MYO3B: variants seen among roughly 807,000 people sequenced by gnomAD.
MYO3B encodes myosin IIIB.
A neutral mutation model predicts 174.6 loss-of-function variants in MYO3B; 156 were observed. The ratio of observed to expected loss-of-function variants is 0.89; its 90% confidence interval spans 0.78 to 1.02. MYO3B has a LOEUF of 1.02. Among genes scored for constraint, MYO3B ranks in the 50% least tolerant of loss-of-function variants. MYO3B has a pLI of 0.00. For synonymous variants in MYO3B, 563 were observed against 569.1 expected, an observed-to-expected ratio of 0.99 and a Z score of 0.15; for missense variants, 1,632 against 1,639.4, an observed-to-expected ratio of 1.00 and a Z score of 0.08.
intron 21 of MYO3B, among the ~76,000 whole-genome samples, chr2:170,407,383 C>T (rs1027296900): frequency 1.7e-4 from 26 of 152,118 alleles, no homozygotes; most frequent in Non-Finnish European, 3.4e-4. Flanking sequence ...ATCACTTGAA[C>T]CCGGGAGGCG....
intron 28 of MYO3B, 48 bp downstream of exon 28, chr2:170,501,913 A>G: frequency 7.8e-7 from 1 of 1,280,566 alleles, no homozygotes. Flanking sequence ...ATATTCTGTG[A>G]CTAACTTCTG....
At chr2:170,640,848 A>C (rs1458737730) in intron 32 of MYO3B, 1 of 152,160 alleles carries the variant, frequency 6.6e-6, no homozygotes, top group African/African-American at 2.4e-5. Flanking sequence ...CTGGTTTTCC[A>C]TTTACAGTGG....
intron 23 of MYO3B, among the ~76,000 whole-genome samples, chr2:170,446,116 G>A (rs1042403784): frequency 7.9e-5 from 12 of 152,312 alleles, no homozygotes; most frequent in East Asian, 3.9e-4. Flanking sequence ...AAATGTGTGC[G>A]TCAGGGGACT....
At position 170,266,032 on chromosome 2, in the gene MYO3B, A is replaced by G. The variant is rs115174963; in HGVS notation, c.749+29896A>G. ...TAGCTGTCAAGGCAAAAAGGAAAAT[A>G]TAGTCAGTTACACTATTTACAGTAT... On this transcript the variant is annotated intron_variant, in intron 7 of 34. Transcript: ENST00000408978. 7.0e-3 allele frequency among the ~76,000 whole-genome samples: 1,062 copies of G among 152,316 alleles called. 14 individuals carry two copies. The highest frequency in any genetic ancestry group is 0.024 in the African/African-American group (1,010 of 41,566).
At chr2:170,201,600 T>G (rs1466244287) in intron 3 of MYO3B, among the ~76,000 whole-genome samples, 1 of 129,430 alleles carries the variant, frequency 7.7e-6, no homozygotes, top group East Asian at 2.3e-4. Flanking sequence ...ATCAGTTGCC[T>G]TCCTCAGAAT....
chr2:170,507,251 G>A (rs1258353072), intron 28 of MYO3B, among the ~76,000 whole-genome samples: 2 of 151,896 alleles, frequency 1.3e-5, no homozygotes, highest in East Asian at 1.9e-4. Context: ...CTCCCCATCC[G>A]CCTACCCCCC....
chr2:170,264,495 G>A (rs971360676), intron 7 of MYO3B, among the ~76,000 whole-genome samples: 6 of 152,126 alleles, frequency 3.9e-5, no homozygotes, highest in African/African-American at 1.4e-4. Flanking sequence ...TTTAAGGAGA[G>A]GACTACACTT....
chr2:170,436,380 A>G (rs542909586), intron 22 of MYO3B, among the ~76,000 whole-genome samples: 4 of 152,258 alleles, frequency 2.6e-5, no homozygotes, highest in East Asian at 3.9e-4. Flanking sequence ...GCTGAGGTCT[A>G]TTGTTTATTC....
chr2:170,418,430 G>A (rs2094594867), intron 22 of MYO3B, among the ~76,000 whole-genome samples: 1 of 152,192 alleles, frequency 6.6e-6, no homozygotes, highest in Non-Finnish European at 1.5e-5. Flanking sequence ...AGAATTTTAA[G>A]CTGGAATCTG....
chr2:170,437,933 T>C (rs2094767566), intron 22 of MYO3B, among the ~76,000 whole-genome samples: 1 of 151,430 alleles, frequency 6.6e-6, no homozygotes, highest in Non-Finnish European at 1.5e-5. Context: ...TTTTTCTTGT[T>C]GTTGCAGTAA....
chr2:170,473,577 T>C (rs1365710657), intron 25 of MYO3B, among the ~76,000 whole-genome samples: 7 of 152,176 alleles, frequency 4.6e-5, no homozygotes, highest in East Asian at 3.8e-4. Flanking sequence ...ACAACCTAGA[T>C]TGATAGAATG....
At chr2:170,181,114 TAG>T (rs1389356725) in intron 1 of MYO3B, among the ~76,000 whole-genome samples, 3 of 152,184 alleles carry the variant, frequency 2.0e-5, no homozygotes, top group African/African-American at 4.8e-5. Flanking sequence ...TCAAGTTTAA[TAG>T]AGTTTTAGCT....
At chr2:170,568,460 A>T (rs1403228096) in intron 32 of MYO3B, among the ~76,000 whole-genome samples, 1 of 152,144 alleles carries the variant, frequency 6.6e-6, no homozygotes, top group Non-Finnish European at 1.5e-5. Flanking sequence ...GGAGCGTTTG[A>T]TTTTGTTTGT....
intron 32 of MYO3B, among the ~76,000 whole-genome samples, chr2:170,549,556 T>G (rs1450144051): frequency 2.0e-5 from 3 of 152,354 alleles, no homozygotes; most frequent in Middle Eastern, 6.8e-3. Context: ...CATTACTAAA[T>G]TTTATAAATT....
At chr2:170,519,149 A>C (rs1227324207) in intron 29 of MYO3B, among the ~76,000 whole-genome samples, 1 of 152,114 alleles carries the variant, frequency 6.6e-6, no homozygotes, top group Non-Finnish European at 1.5e-5. Context: ...CGGGACCCAA[A>C]TCACTTGGGG....
intron 16 of MYO3B, among the ~76,000 whole-genome samples, chr2:170,394,490 G>T (rs1023783184): frequency 6.6e-6 from 1 of 152,020 alleles, no homozygotes; most frequent in African/African-American, 2.4e-5. Flanking sequence ...GCCATCCCTA[G>T]CCCCTCTGGG....
chr2:170,260,654 A>T (rs564362366), intron 7 of MYO3B, among the ~76,000 whole-genome samples: 1 of 152,354 alleles, frequency 6.6e-6, no homozygotes, highest in East Asian at 1.9e-4. Context: ...AGCATCACAC[A>T]CTATACTTAT....
At chr2:170,648,905 TA>T (rs1276932506) in intron 32 of MYO3B, among the ~76,000 whole-genome samples, 2 of 105,348 alleles carry the variant, frequency 1.9e-5, no homozygotes, top group East Asian at 2.9e-4. Context: ...AAATAGTATA[TA>T]AAATATATAT....
rs895754040 is a variant in MYO3B at position 170,335,465 on chromosome 2, C to T, written c.815+15C>T. The T allele has an allele frequency of 3.7e-6, 6 of 1,605,018 alleles. No individual in the cohort carries two copies. The highest frequency in any genetic ancestry group is 5.1e-6 in the Non-Finnish European group (6 of 1,173,952). ...TTTATTTCACAGTGAGTATTTCTTC[C>T]ACTAAAAATTGCCCATCTAGCAAGG... On this transcript the variant is annotated intron_variant, in intron 8 of 34. Transcript: ENST00000408978.
Sources: allele counts gnomAD v4.1 joint callset (sites outside exome capture counted in the v4.1 genomes callset), GRCh38; gene constraint gnomAD v4.1.1; transcripts MANE v1.5; gene names NCBI Gene and HGNC (gene_info 2026-07-23, HGNC 2026-07-21).